PLXDC2: variants seen among roughly 807,000 people sequenced by gnomAD.
The protein encoded by PLXDC2 is plexin domain containing 2, also known as plexin domain-containing protein 2.
A neutral mutation model predicts 68.9 loss-of-function variants in PLXDC2; 40 were observed. That is an observed-to-expected ratio of 0.58 (90% CI 0.45 to 0.76). The LOEUF (loss-of-function observed/expected upper bound fraction) is 0.76. PLXDC2 is among the 30% of genes least tolerant of loss of function. The pLI is 0.00. For synonymous variants in PLXDC2, 243 were observed against 234.2 expected, an observed-to-expected ratio of 1.04 and a Z score of -0.34; for missense variants, 644 against 661.9, an observed-to-expected ratio of 0.97 and a Z score of 0.30.
chr10:19,915,134 G>T (rs1009587985), intron 1 of PLXDC2, among the ~76,000 whole-genome samples: 3 of 152,120 alleles, frequency 2.0e-5, no homozygotes, highest in African/African-American at 7.2e-5. Flanking sequence ...TTGGTAATTT[G>T]TTAAGGCTCA....
intron 1 of PLXDC2, among the ~76,000 whole-genome samples, chr10:19,889,609 G>T (rs1163265756): frequency 6.6e-6 from 1 of 152,108 alleles, no homozygotes; most frequent in East Asian, 1.9e-4. Context: ...TTCCCTATCT[G>T]TGGCCTTTCC....
chr10:20,100,524 T>TCAGA (rs990632459), intron 4 of PLXDC2, among the ~76,000 whole-genome samples: 17 of 152,170 alleles, frequency 1.1e-4, no homozygotes, highest in Non-Finnish European at 7.3e-5. Context: ...TTTGTGTAAT[T>TCAGA]CAGAAGACAC....
chr10:19,937,246 A>G (rs1002970362), intron 1 of PLXDC2, among the ~76,000 whole-genome samples: 4 of 152,082 alleles, frequency 2.6e-5, no homozygotes, highest in African/African-American at 9.7e-5. Flanking sequence ...AAATGTAGTC[A>G]TCTTTCGCAT....
intron 4 of PLXDC2, among the ~76,000 whole-genome samples, chr10:20,130,662 T>G (rs1833855740): frequency 6.6e-6 from 1 of 152,170 alleles, no homozygotes; most frequent in Admixed American, 6.5e-5. Context: ...TTAAGTTATA[T>G]TCCATCTATA....
intron 1 of PLXDC2, among the ~76,000 whole-genome samples, chr10:19,884,565 C>G (rs1273517425): frequency 1.4e-5 from 2 of 147,588 alleles, no homozygotes; most frequent in Non-Finnish European, 3.0e-5. Context: ...CATGTGTTCT[C>G]ATTGTTCAAT....
At chr10:19,829,655 AAGGTGGAGGT>A in intron 1 of PLXDC2, among the ~76,000 whole-genome samples, 1 of 152,020 alleles carries the variant, frequency 6.6e-6, no homozygotes, top group African/African-American at 2.4e-5. Context: ...TGGAACCCAA[AAGGTGGAGGT>A]TGCAGTGAGC....
intron 6 of PLXDC2, among the ~76,000 whole-genome samples, chr10:20,153,011 C>T (rs1009660658): frequency 6.6e-6 from 1 of 152,020 alleles, no homozygotes; most frequent in South Asian, 2.1e-4. Flanking sequence ...TCTGGTAAGC[C>T]CTTACTCTTC....
At chr10:20,145,797 C>CCTG (rs936875092) in intron 5 of PLXDC2, among the ~76,000 whole-genome samples, 8 of 152,072 alleles carry the variant, frequency 5.3e-5, no homozygotes, top group African/African-American at 1.9e-4. Flanking sequence ...TCGTGATCCG[C>CCTG]CTGCCTCGGC....
intron 2 of PLXDC2, among the ~76,000 whole-genome samples, chr10:20,013,160 C>T (rs1226138577): frequency 6.6e-6 from 1 of 152,150 alleles, no homozygotes; most frequent in Non-Finnish European, 1.5e-5. Context: ...TTGTCCCTAT[C>T]AATCTGTTTA....
intron 1 of PLXDC2, among the ~76,000 whole-genome samples, chr10:19,993,850 A>G (rs1834794005): frequency 6.6e-6 from 1 of 152,188 alleles, no homozygotes; most frequent in Non-Finnish European, 1.5e-5. Flanking sequence ...AATTCCTGCA[A>G]TGACTTCAAA....
chr10:19,879,915 G>GA (rs1006931368), intron 1 of PLXDC2, among the ~76,000 whole-genome samples: 29 of 152,186 alleles, frequency 1.9e-4, no homozygotes, highest in African/African-American at 7.0e-4. Context: ...TATTGGAGGA[G>GA]AAAAAATATT....
Position 20,104,323 on chromosome 10 carries a change from C to A in PLXDC2, c.541+36084C>A, listed in dbSNP as rs114002247. 7.8e-3 allele frequency among the ~76,000 whole-genome samples: 1,186 copies of A among 152,270 alleles called. 15 individuals are homozygous for A. Among genetic ancestry groups the A allele is most frequent in the African/African-American group, 0.027 (1,116 of 41,548 alleles). On this transcript the variant is annotated intron_variant, in intron 4 of 13. Coordinates refer to ENST00000377252, the MANE Select transcript of PLXDC2 (RefSeq NM_032812.9). ...GGTTTTTGTTGTCAAATGTTTTACA[C>A]TGAAGTTTTCTCACTTCAAAAGCTA...
intron 1 of PLXDC2, among the ~76,000 whole-genome samples, chr10:19,879,590 T>G (rs1011425706): frequency 6.6e-6 from 1 of 152,214 alleles, no homozygotes; most frequent in African/African-American, 2.4e-5. Flanking sequence ...AGGCCTTGCA[T>G]TGCAGACTGA....
At chr10:20,007,265 G>C (rs1188412521) in intron 2 of PLXDC2, among the ~76,000 whole-genome samples, 2 of 152,212 alleles carry the variant, frequency 1.3e-5, no homozygotes, top group African/African-American at 4.8e-5. Context: ...ATAGGATGGA[G>C]AGTGCTTTGA....
intron 1 of PLXDC2, among the ~76,000 whole-genome samples, chr10:19,905,117 G>A (rs564390608): frequency 7.9e-5 from 12 of 152,332 alleles, no homozygotes; most frequent in Admixed American, 2.6e-4. Flanking sequence ...ATCTTAATGG[G>A]AAACAGAACC....
intron 4 of PLXDC2, among the ~76,000 whole-genome samples, chr10:20,107,090 C>A (rs1833501748): frequency 2.0e-5 from 3 of 147,824 alleles, no homozygotes. Flanking sequence ...TATATATACA[C>A]TATATATATA....
chr10:19,913,835 C>T (rs1048963255), intron 1 of PLXDC2, among the ~76,000 whole-genome samples: 1 of 152,040 alleles, frequency 6.6e-6, no homozygotes, highest in Admixed American at 6.6e-5. Context: ...TTGACCTAGA[C>T]CATTTACTGT....
intron 13 of PLXDC2, among the ~76,000 whole-genome samples, chr10:20,272,744 A>G (rs1835955911): frequency 6.6e-6 from 1 of 152,250 alleles, no homozygotes; most frequent in Non-Finnish European, 1.5e-5. Flanking sequence ...GTGATAAAAT[A>G]TTCCTCCCTG....
intron 2 of PLXDC2, among the ~76,000 whole-genome samples, chr10:20,019,447 GC>G (rs1182340318): frequency 5.3e-5 from 8 of 152,152 alleles, no homozygotes; most frequent in Non-Finnish European, 1.2e-4. Flanking sequence ...GGTAATTGAT[GC>G]CTGGTGCTAT....
Sources: allele counts gnomAD v4.1 joint callset (sites outside exome capture counted in the v4.1 genomes callset), GRCh38; gene constraint gnomAD v4.1.1; transcripts MANE v1.5; gene names NCBI Gene and HGNC (gene_info 2026-07-23, HGNC 2026-07-21).